Variants in STX2 observed in about 807,000 individuals in gnomAD.
STX2 encodes syntaxin 2.
Under a neutral mutation model 40.6 loss-of-function variants are expected in STX2, and 27 were observed. That is an observed-to-expected ratio of 0.66 (90% CI 0.49 to 0.92). The LOEUF (loss-of-function observed/expected upper bound fraction) is 0.92. Among genes scored for constraint, STX2 ranks in the 40% least tolerant of loss-of-function variants. The pLI, the probability that STX2 is intolerant of heterozygous loss-of-function variation, is 0.00. For missense variants in STX2, 328 were observed against 366.1 expected, an observed-to-expected ratio of 0.90 and a Z score of 0.85; for synonymous variants, 123 against 119.1, an observed-to-expected ratio of 1.03 and a Z score of -0.22.
At chr12:130,829,156 G>C (rs954115354) in intron 1 of STX2, among the ~76,000 whole-genome samples, 2 of 152,172 alleles carry the variant, frequency 1.3e-5, no homozygotes, top group African/African-American at 2.4e-5. Context: ...ATGCTCAATG[G>C]TTATGGTCTC....
Position 130,822,950 on chromosome 12 carries a change from A to T in STX2, c.106-1162T>A, listed in dbSNP as rs143650199. ...TGGAGATCCAGCTACAGAAGCAGCA[A>T]GGTGAGCCCTGGAGCAAGATGCTCT... On this transcript the variant is annotated intron_variant, in intron 2 of 10. Coordinates refer to ENST00000392373, the MANE Select transcript of STX2 (RefSeq NM_194356.4). 1.1e-3 allele frequency among the ~76,000 whole-genome samples: 160 copies of T among 152,368 alleles called. 1 individual carries two copies. The highest frequency in any genetic ancestry group is 3.5e-3 in the African/African-American group (146 of 41,590).
chr12:130,836,385 C>A (rs1952758355), intron 1 of STX2, among the ~76,000 whole-genome samples: 1 of 152,230 alleles, frequency 6.6e-6, no homozygotes, highest in East Asian at 1.9e-4. Context: ...ATCTTCCCAC[C>A]TCAGCCTCCT....
At chr12:130,827,912 G>A (rs1355926072) in intron 1 of STX2, among the ~76,000 whole-genome samples, 1 of 152,174 alleles carries the variant, frequency 6.6e-6, no homozygotes, top group Non-Finnish European at 1.5e-5. Context: ...ACCTGAACCT[G>A]GCAGGTTGGG....
chr12:130,806,752 T>C (rs948698398), intron 6 of STX2, among the ~76,000 whole-genome samples: 1 of 152,056 alleles, frequency 6.6e-6, no homozygotes, highest in Non-Finnish European at 1.5e-5. Flanking sequence ...TCCCTGAAAC[T>C]CTAAAAGCAA....
Position 130,801,198 on chromosome 12 carries a change from C to T in STX2, c.630G>A (p.Glu210=). The T allele has an allele frequency of 2.5e-6, 4 of 1,614,032 alleles. No individual in the cohort carries two copies. The highest frequency in any genetic ancestry group is 3.4e-6 in the Non-Finnish European group (4 of 1,179,926). The change falls in exon 8 of 11, where the codon GAG becomes GAA. Residue 210 remains glutamate (E), a synonymous_variant. Transcript: ENST00000392373. ...CCATGTCCATGAACATCTCATGCAA[C>T]TCTCGGATGCTGGTCTCCAGCTTCA... is the stretch of plus-strand genomic sequence containing the variant. ...DIMKLETSIR[E]LHEMFMDMAM... is the part of the protein sequence containing the mutation.
intron 3 of STX2, among the ~76,000 whole-genome samples, chr12:130,814,300 C>T (rs78059811): frequency 0.015 from 2,237 of 150,798 alleles, 63 homozygotes; most frequent in African/African-American, 0.052. Context: ...GCCAATGCCA[C>T]GCAGAGACTA....
intron 1 of STX2, 104 bp from the exon 2 acceptor site, chr12:130,827,371 C>CT: frequency 1.2e-6 from 1 of 807,382 alleles, no homozygotes; most frequent in South Asian, 1.5e-5. Flanking sequence ...TCTCAACTCA[C>CT]TACAGCACCA....
At chr12:130,836,623 T>C (rs1952763521) in intron 1 of STX2, among the ~76,000 whole-genome samples, 1 of 152,198 alleles carries the variant, frequency 6.6e-6, no homozygotes, top group South Asian at 2.1e-4. Flanking sequence ...TGGTAAACAT[T>C]AATCACACTT....
chr12:130,811,328 A>T (rs1028841862), intron 4 of STX2, among the ~76,000 whole-genome samples: 4 of 142,632 alleles, frequency 2.8e-5, no homozygotes, highest in Admixed American at 1.5e-4. Flanking sequence ...ACTGCACTTC[A>T]ACCTGGGTGA....
At chr12:130,806,530 C>G (rs1265286066) in intron 6 of STX2, among the ~76,000 whole-genome samples, 1 of 152,162 alleles carries the variant, frequency 6.6e-6, no homozygotes, top group Non-Finnish European at 1.5e-5. Flanking sequence ...TGAAACAGAC[C>G]CGTCTGTCCC....
Position 130,790,227 on chromosome 12 carries a change from TG to T in STX2, c.*1795del, listed in dbSNP as rs1422917419. ...CTGCCACACAGTGACCACCAGCGAG[TG>T]ATCCAATGGACGCATCATGGATGAG... On this transcript the variant is annotated 3_prime_UTR_variant, in exon 11 of 11. Coordinates refer to ENST00000392373, the MANE Select transcript of STX2 (RefSeq NM_194356.4). 2 of 152,124 alleles carry T rather than the reference TG, an allele frequency of 1.3e-5. No individual in the cohort carries two copies. Among genetic ancestry groups the T allele is most frequent in the African/African-American group, 4.8e-5 (2 of 41,406 alleles). The allele number at this position is 152,124 out of a possible 1,614,324, so 9.4% of individuals were successfully genotyped here.
At chr12:130,821,855 A>T in intron 2 of STX2, 67 bp from the exon 3 acceptor site, 11 of 923,006 alleles carry the variant, frequency 1.2e-5, no homozygotes, top group Non-Finnish European at 1.9e-5. Flanking sequence ...CATCCCCTAA[A>T]AGGGGAAGAA....
chr12:130,828,388 C>G (rs1179411409), intron 1 of STX2, among the ~76,000 whole-genome samples: 1 of 135,220 alleles, frequency 7.4e-6, no homozygotes, highest in South Asian at 2.7e-4. Flanking sequence ...CCACCACACC[C>G]GGCTTTTTTT....
At chr12:130,802,764 C>A (rs1007034501) in intron 6 of STX2, among the ~76,000 whole-genome samples, 1 of 152,108 alleles carries the variant, frequency 6.6e-6, no homozygotes, top group African/African-American at 2.4e-5. Flanking sequence ...CCAACCAACA[C>A]GCTGGGATTA....
Position 130,808,636 on chromosome 12 carries a change from T to C in STX2, c.349A>G (p.Thr117Ala), listed in dbSNP as rs1235215898. Residue 117 changes from threonine (T) to alanine (A), a missense_variant, in exon 5 of 11, where the codon ACC (threonine) becomes GCC (alanine). Transcript: ENST00000392373. ...AAACGAGGCTGATAGCAAACCTGGG[T>C]TCTTCGTATCCGAAGATCCACTGAA... is the stretch of plus-strand genomic sequence containing the variant. ...RTSVDLRIRR[T>A]QHSVLSRKFV... is the part of the protein sequence containing the mutation. 1 of 1,612,904 alleles carries C rather than the reference T, an allele frequency of 6.2e-7. No homozygotes were observed. Among genetic ancestry groups the C allele is most frequent in the Non-Finnish European group, 8.5e-7 (1 of 1,179,742 alleles).
intron 8 of STX2, 81 bp from the exon 9 acceptor site, chr12:130,798,716 GT>G: frequency 1.8e-6 from 2 of 1,089,576 alleles, no homozygotes; most frequent in East Asian, 2.7e-5. Flanking sequence ...TAGAACAAAG[GT>G]TTTATATAAA....
intron 3 of STX2, among the ~76,000 whole-genome samples, chr12:130,814,144 T>A (rs1186430007): frequency 6.6e-6 from 1 of 152,106 alleles, no homozygotes; most frequent in Non-Finnish European, 1.5e-5. Context: ...GATCAGAGAC[T>A]GAGTGATCTC....
chr12:130,819,049 C>T (rs970314407), intron 3 of STX2, among the ~76,000 whole-genome samples: 1 of 152,252 alleles, frequency 6.6e-6, no homozygotes, highest in Non-Finnish European at 1.5e-5. Context: ...GTAAAAGGTC[C>T]TTCGTCCACC....
chr12:130,833,728 A>T (rs934948527), intron 1 of STX2, among the ~76,000 whole-genome samples: 2 of 152,070 alleles, frequency 1.3e-5, no homozygotes, highest in African/African-American at 4.8e-5. Flanking sequence ...CCTTTTAATA[A>T]ATCTCCCTTT....
Sources: gnomAD v4.1 joint callset for allele counts (sites outside exome capture counted in the v4.1 genomes callset) on GRCh38, gnomAD v4.1.1 for gene constraint, MANE v1.5 for transcripts, NCBI Gene and HGNC (gene_info 2026-07-23, HGNC 2026-07-21) for gene names.